DLG2: variants seen among roughly 807,000 people sequenced by gnomAD.
DLG2 encodes disks large homolog 2.
Under a neutral mutation model 132.5 loss-of-function variants are expected in DLG2, and 45 were observed. The observed-to-expected ratio is 0.34, with a 90% confidence interval of 0.27 to 0.44. DLG2 has a LOEUF of 0.44. DLG2 is among the 20% of genes least tolerant of loss of function. The pLI is 1.00. For missense variants in DLG2, 1,045 were observed against 1,196.9 expected, an observed-to-expected ratio of 0.87 and a Z score of 1.87; for synonymous variants, 424 against 419.6, an observed-to-expected ratio of 1.01 and a Z score of -0.13.
chr11:85,321,544 G>A (rs890848142), intron 3 of DLG2, among the ~76,000 whole-genome samples: 1 of 152,016 alleles, frequency 6.6e-6, no homozygotes, highest in African/African-American at 2.4e-5. Flanking sequence ...CAATGAGCAA[G>A]CAAGGCTACA....
intron 16 of DLG2, among the ~76,000 whole-genome samples, chr11:83,873,602 A>G (rs1415906642): frequency 6.6e-6 from 1 of 152,196 alleles, no homozygotes; most frequent in Non-Finnish European, 1.5e-5. Flanking sequence ...TCTTTTGTTA[A>G]TTGCTCAGGC....
In DLG2 at chr11:85,161,817, G is replaced by C. The variant is rs113723006; in HGVS notation, c.187-7166C>G. ...AAGGTGACAATACTTTGCAGGGCTTGGCCAAAGTTCTCAAGAAGGCTTTGT... is the reference window on the plus strand; with the variant it reads ...AAGGTGACAATACTTTGCAGGGCTTCGCCAAAGTTCTCAAGAAGGCTTTGT... On this transcript the variant is annotated intron_variant, in intron 4 of 27. Transcript: ENST00000376104. 1.9e-3 allele frequency among the ~76,000 whole-genome samples: 286 copies of C among 152,232 alleles called. 1 individual carries two copies. Among genetic ancestry groups the C allele is most frequent in the African/African-American group, 6.7e-3 (278 of 41,546 alleles).
At chr11:84,147,012 C>T (rs183662615) in intron 9 of DLG2, among the ~76,000 whole-genome samples, 13 of 152,186 alleles carry the variant, frequency 8.5e-5, no homozygotes, top group Admixed American at 2.0e-4. Flanking sequence ...CACTTTACTA[C>T]ACAGTGGGAA....
intron 8 of DLG2, among the ~76,000 whole-genome samples, chr11:84,221,517 A>G (rs1012095282): frequency 6.6e-6 from 1 of 152,156 alleles, no homozygotes; most frequent in Non-Finnish European, 1.5e-5. Flanking sequence ...AATGCTATCT[A>G]TGTAAAGTGC....
At chr11:84,859,642 G>T (rs1039374102) in intron 6 of DLG2, among the ~76,000 whole-genome samples, 1 of 151,620 alleles carries the variant, frequency 6.6e-6, no homozygotes, top group African/African-American at 2.4e-5. Context: ...AGAATATGCA[G>T]AAGTAATATA....
intron 7 of DLG2, among the ~76,000 whole-genome samples, chr11:84,367,711 C>T (rs766276392): frequency 6.6e-6 from 1 of 152,050 alleles, no homozygotes; most frequent in African/African-American, 2.4e-5. Flanking sequence ...CCATGTGATG[C>T]CTTCCTCTAT....
intron 5 of DLG2, among the ~76,000 whole-genome samples, chr11:85,149,766 A>G (rs185785706): frequency 3.9e-4 from 60 of 152,232 alleles, no homozygotes; most frequent in Non-Finnish European, 6.3e-4. Context: ...TTATAAATAT[A>G]TGAGACTTAA....
chr11:84,095,310 T>C (rs992348334), intron 10 of DLG2, among the ~76,000 whole-genome samples: 4 of 152,176 alleles, frequency 2.6e-5, no homozygotes, highest in African/African-American at 9.6e-5. Flanking sequence ...TTCGGTTATC[T>C]CACCTCAGAA....
At chr11:85,158,447 G>T (rs1594927238) in intron 4 of DLG2, among the ~76,000 whole-genome samples, 1 of 152,288 alleles carries the variant, frequency 6.6e-6, no homozygotes, top group East Asian at 1.9e-4. Flanking sequence ...AGGGAGATTG[G>T]GATGGTGGAG....
chr11:85,377,799 A>G (rs1428930829), intron 3 of DLG2, among the ~76,000 whole-genome samples: 1 of 93,250 alleles, frequency 1.1e-5, no homozygotes, highest in African/African-American at 3.7e-5. Context: ...ATATATATAT[A>G]TATATGTGTG....
At chr11:85,134,042 G>C (rs1156323440) in intron 5 of DLG2, among the ~76,000 whole-genome samples, 2 of 152,060 alleles carry the variant, frequency 1.3e-5, no homozygotes, top group Non-Finnish European at 2.9e-5. Context: ...GAGTGAGGGA[G>C]AGTGAGGGAG....
chr11:85,512,112 CCT>C (rs1179027401), intron 3 of DLG2, among the ~76,000 whole-genome samples: 1 of 151,976 alleles, frequency 6.6e-6, no homozygotes, highest in Non-Finnish European at 1.5e-5. Flanking sequence ...GCTCTTTTCC[CCT>C]GTCCATTGCC....
chr11:83,636,046 A>T (rs1368083839), intron 18 of DLG2, among the ~76,000 whole-genome samples: 1 of 152,188 alleles, frequency 6.6e-6, no homozygotes, highest in East Asian at 1.9e-4. Context: ...ATCTCTAAGT[A>T]CCACTAAATC....
chr11:84,185,462 A>G (rs2096256174), intron 8 of DLG2, among the ~76,000 whole-genome samples: 2 of 152,176 alleles, frequency 1.3e-5, no homozygotes. Context: ...CAGCTTAAGG[A>G]GATTTTGGGC....
chr11:84,031,280 G>T (rs901408017), intron 11 of DLG2, among the ~76,000 whole-genome samples: 1 of 150,010 alleles, frequency 6.7e-6, no homozygotes, highest in Non-Finnish European at 1.5e-5. Flanking sequence ...GTTGAAAAAA[G>T]AATTAAATCT....
At chr11:83,514,120 A>G (rs1032815054) in intron 21 of DLG2, among the ~76,000 whole-genome samples, 2 of 152,202 alleles carry the variant, frequency 1.3e-5, no homozygotes, top group African/African-American at 4.8e-5. Flanking sequence ...TACCTTGGGC[A>G]GTATGGCCAT....
chr11:84,904,062 C>A (rs1245470820), intron 6 of DLG2, among the ~76,000 whole-genome samples: 1 of 151,956 alleles, frequency 6.6e-6, no homozygotes, highest in East Asian at 1.9e-4. Flanking sequence ...AAGTTTTAAC[C>A]AAACTGACAA....
chr11:83,664,743 G>A (rs12098926), intron 18 of DLG2, among the ~76,000 whole-genome samples: 68,360 of 151,984 alleles, frequency 0.45, 17,105 homozygotes, highest in African/African-American at 0.68. Flanking sequence ...TATGATCCAG[G>A]TTCATTTTAC....
chr11:85,319,918 C>T (rs1459449211), intron 3 of DLG2, among the ~76,000 whole-genome samples: 1 of 151,828 alleles, frequency 6.6e-6, no homozygotes, highest in Non-Finnish European at 1.5e-5. Flanking sequence ...AAGTTTACAG[C>T]TTGGCTATTT....
Sources: gnomAD v4.1 joint callset for allele counts (sites outside exome capture counted in the v4.1 genomes callset) on GRCh38, gnomAD v4.1.1 for gene constraint, MANE v1.5 for transcripts, NCBI Gene and HGNC (gene_info 2026-07-23, HGNC 2026-07-21) for gene names.